VWA3A: variants seen among roughly 807,000 people sequenced by gnomAD.
The protein encoded by VWA3A is von Willebrand factor A domain containing 3A, also known as von Willebrand factor A domain-containing protein 3A.
A neutral mutation model predicts 160.4 loss-of-function variants in VWA3A; 134 were observed. That is an observed-to-expected ratio of 0.84 (90% CI 0.73 to 0.96). The LOEUF is 0.96. VWA3A is among the 40% of genes least tolerant of loss of function. The pLI, the probability that VWA3A is intolerant of heterozygous loss-of-function variation, is 0.00. For missense variants in VWA3A, 1,310 were observed against 1,447.9 expected (o/e 0.90, Z 1.55); for synonymous variants, 476 against 543.4 (o/e 0.88, Z 1.72).
At chr16:22,154,893 G>A (rs1297728319) in intron 31 of VWA3A, among the ~76,000 whole-genome samples, 1 of 140,748 alleles carries the variant, frequency 7.1e-6, no homozygotes, top group African/African-American at 2.6e-5. Flanking sequence ...AGCGGAGCTT[G>A]CAGTGAGCCG....
In VWA3A at chr16:22,102,829, G is replaced by T. The variant is rs1237292437; in HGVS notation, c.429-646G>T. Among the ~76,000 whole-genome samples, 7 of 152,080 alleles carry T rather than the reference G, an allele frequency of 4.6e-5. No homozygotes were observed. In the East Asian group the frequency reaches 1.4e-3, roughly 29 times the overall value. Reference sequence around the variant, plus strand: ...ACCCTCCCCCACCCTCCACAGACCTGCCCTCACCGGGCAGAGTGAGCACAG... The same window carrying T: ...ACCCTCCCCCACCCTCCACAGACCTTCCCTCACCGGGCAGAGTGAGCACAG... On this transcript the variant is annotated intron_variant, in intron 5 of 33. Transcript: ENST00000389398.
At chr16:22,093,783 G>C (rs1346607596) in intron 1 of VWA3A, among the ~76,000 whole-genome samples, 1 of 151,990 alleles carries the variant, frequency 6.6e-6, no homozygotes, top group Non-Finnish European at 1.5e-5. Flanking sequence ...TCGTTTGTTT[G>C]AGACAGAGTC....
intron 28 of VWA3A, among the ~76,000 whole-genome samples, chr16:22,149,328 G>A (rs1051462502): frequency 2.0e-5 from 3 of 152,058 alleles, no homozygotes; most frequent in Admixed American, 6.6e-5. Flanking sequence ...CAGCCTCAAC[G>A]TCCTGGGCTC....
In VWA3A at chr16:22,133,106, G is replaced by A; in HGVS notation, c.2068+11G>A. On this transcript the variant is annotated intron_variant, in intron 20 of 33. Transcript: ENST00000389398. ...GGTTTGGAGACACAGGTACATGACTGTTTCCTCATCCCTTCAGCTCATTCC... is the reference window on the plus strand; with the variant it reads ...GGTTTGGAGACACAGGTACATGACTATTTCCTCATCCCTTCAGCTCATTCC... 6.2e-7 allele frequency: 1 copy of A among 1,607,790 alleles called. No individual in the cohort carries two copies. Among genetic ancestry groups the A allele is most frequent in the South Asian group, 1.1e-5 (1 of 89,870 alleles).
chr16:22,097,012 C>T, intron 2 of VWA3A, 67 bp downstream of exon 2: 2 of 1,067,378 alleles, frequency 1.9e-6, no homozygotes, highest in Non-Finnish European at 2.7e-6. Context: ...GTCTCCCAGG[C>T]TGGAGTGCAG....
At chr16:22,152,722 G>T in intron 31 of VWA3A, 88 bp downstream of exon 31, 1 of 1,518,094 alleles carries the variant, frequency 6.6e-7, no homozygotes, top group Non-Finnish European at 8.8e-7. Flanking sequence ...TTGAACTCCT[G>T]GGCTCAAGTG....
chr16:22,123,428 T>C (rs1432201253), intron 15 of VWA3A, 185 bp from the exon 16 acceptor site: 3 of 1,527,786 alleles, frequency 2.0e-6, no homozygotes, highest in Non-Finnish European at 2.6e-6. Flanking sequence ...AAATACCGTG[T>C]GACTCTTCCC....
chr16:22,117,252 G>A, intron 11 of VWA3A, 76 bp downstream of exon 11: 1 of 1,459,758 alleles, frequency 6.9e-7, no homozygotes, highest in South Asian at 1.2e-5. Context: ...AGGAGATCTG[G>A]GCCAGGACCA....
intron 6 of VWA3A, among the ~76,000 whole-genome samples, chr16:22,106,902 G>T (rs2045490413): frequency 6.6e-6 from 1 of 152,168 alleles, no homozygotes; most frequent in Non-Finnish European, 1.5e-5. Flanking sequence ...TGATGGATTG[G>T]ATAGGTCTGG....
chr16:22,144,636 G>A (rs975381146), intron 26 of VWA3A, among the ~76,000 whole-genome samples: 5 of 152,112 alleles, frequency 3.3e-5, no homozygotes, highest in African/African-American at 1.2e-4. Flanking sequence ...AATTGCCGAG[G>A]CCAGGTGCGG....
At chr16:22,125,606 G>A (rs1039711726) in intron 16 of VWA3A, among the ~76,000 whole-genome samples, 36 of 151,842 alleles carry the variant, frequency 2.4e-4, no homozygotes, top group African/African-American at 8.7e-4. Context: ...TTTATTTTTA[G>A]TAGAGACAGG....
At chr16:22,125,347 T>C (rs1275137409) in intron 16 of VWA3A, among the ~76,000 whole-genome samples, 1 of 151,206 alleles carries the variant, frequency 6.6e-6, no homozygotes, top group African/African-American at 2.4e-5. Flanking sequence ...GATCGCACCA[T>C]TGCACTCCAG....
intron 12 of VWA3A, among the ~76,000 whole-genome samples, chr16:22,119,582 G>A (rs2045700664): frequency 6.6e-6 from 1 of 152,212 alleles, no homozygotes; most frequent in South Asian, 2.1e-4. Context: ...GAGGTGGGAG[G>A]ATGATTGAAC....
chr16:22,140,178 G>A lies in VWA3A; in HGVS notation c.2317G>A (p.Glu773Lys). The A allele has an allele frequency of 6.2e-7, 1 of 1,613,706 alleles. No individual in the cohort carries two copies. Among genetic ancestry groups the A allele is most frequent in the Non-Finnish European group, 8.5e-7 (1 of 1,179,768 alleles). The change falls in exon 23 of 34, where the codon GAG (glutamate) becomes AAG (lysine). Residue 773 changes from glutamate to lysine, a missense_variant. Transcript: ENST00000389398. ...RMSIKDDPDR[E>K]KSPPLKSLKW... ...GAGCATTAAAGATGACCCTGACAGA[G>A]AGAAGAGCCCCCCGCTGAAATCTCT...
At chr16:22,136,903 A>G (rs1044484457) in intron 21 of VWA3A, among the ~76,000 whole-genome samples, 6 of 150,982 alleles carry the variant, frequency 4.0e-5, no homozygotes, top group East Asian at 1.9e-4. Flanking sequence ...ACGCACACAC[A>G]CACACACACA....
rs1183503258 is a variant in VWA3A, at chr16:22,123,099, AT to A, written c.1374del (p.Phe458LeufsTer8). ...STIHEKAMIQ[F>X]EWHDGTVKNI... ...CCTGAGTATAGAAGGCAATGATACA[AT>A]TTGAATGGCACGACGGGACAGTGAA... On this transcript the variant is annotated frameshift_variant, in exon 15 of 34. Coordinates refer to ENST00000389398, the MANE Select transcript of VWA3A (RefSeq NM_173615.5). LOFTEE classifies it high-confidence loss of function. 6.2e-7 allele frequency: 1 copy of A among 1,604,080 alleles called. No individual in the cohort carries two copies. Among genetic ancestry groups the A allele is most frequent in the Non-Finnish European group, 8.5e-7 (1 of 1,175,072 alleles).
At chr16:22,121,441 C>T (rs1418386504) in intron 13 of VWA3A, 73 bp from the exon 14 acceptor site, 1 of 1,259,784 alleles carries the variant, frequency 7.9e-7, no homozygotes, top group Non-Finnish European at 1.1e-6. Context: ...AAAACCCTGT[C>T]TCAAAAAAAT....
chr16:22,153,522 T>C (rs915063455), intron 31 of VWA3A, among the ~76,000 whole-genome samples: 1 of 152,174 alleles, frequency 6.6e-6, no homozygotes, highest in Non-Finnish European at 1.5e-5. Flanking sequence ...GGCAAAGTCA[T>C]AGGTTATCTA....
Position 22,130,000 on chromosome 16 carries a change from C to T in VWA3A, c.1653-1205C>T, listed in dbSNP as rs568321177. On this transcript the variant is annotated intron_variant, in intron 17 of 33. Coordinates refer to ENST00000389398, the MANE Select transcript of VWA3A (RefSeq NM_173615.5). ...GCCAGGAGTTTGAGACCAGCCTGGC[C>T]GACGTGGTGAAACCCCGTCTCTACT... Among the ~76,000 whole-genome samples, 138 of 152,098 alleles carry T rather than the reference C, an allele frequency of 9.1e-4. 1 individual carries two copies. The highest frequency in any genetic ancestry group is 2.9e-3 in the African/African-American group (119 of 41,474).
Sources: gnomAD v4.1 joint callset for allele counts (sites outside exome capture counted in the v4.1 genomes callset) on GRCh38, gnomAD v4.1.1 for gene constraint, MANE v1.5 for transcripts, NCBI Gene and HGNC (gene_info 2026-07-23, HGNC 2026-07-21) for gene names.